The following PDE8A variants were observed in gnomAD, a reference collection of about 807,000 sequenced individuals.
PDE8A encodes phosphodiesterase 8A, also known as high affinity cAMP-specific and IBMX-insensitive 3',5'-cyclic phosphodiesterase 8A.
Under a neutral mutation model 105.0 loss-of-function variants are expected in PDE8A, and 59 were observed. That is an observed-to-expected ratio of 0.56 (90% CI 0.46 to 0.70). The LOEUF (loss-of-function observed/expected upper bound fraction) is 0.70, where lower values mean the gene tolerates loss of function less well. Ranked by LOEUF, PDE8A falls within the 30% of genes least tolerant of loss-of-function variation. The pLI, the probability that PDE8A is intolerant of heterozygous loss-of-function variation, is 0.00. For missense variants in PDE8A, 1,014 were observed against 1,045.9 expected (o/e 0.97, Z 0.42); for synonymous variants, 355 against 371.9 (o/e 0.95, Z 0.52).
intron 1 of PDE8A, among the ~76,000 whole-genome samples, chr15:85,013,943 C>T (rs925689751): frequency 1.4e-4 from 21 of 152,128 alleles, no homozygotes; most frequent in Non-Finnish European, 2.6e-4. Context: ...CTCAGGTACC[C>T]GCTGGCTTCC....
At chr15:85,014,913 C>A (rs957696420) in intron 1 of PDE8A, among the ~76,000 whole-genome samples, 1 of 152,146 alleles carries the variant, frequency 6.6e-6, no homozygotes, top group African/African-American at 2.4e-5. Flanking sequence ...ACAGTCCCTC[C>A]CCATTGCCTC....
At chr15:85,106,448 A>G (rs1296790683) in intron 11 of PDE8A, among the ~76,000 whole-genome samples, 2 of 151,902 alleles carry the variant, frequency 1.3e-5, no homozygotes, top group Non-Finnish European at 1.5e-5. Flanking sequence ...AGGGCATCAC[A>G]CATGGTGGGT....
At chr15:85,094,870 C>CT (rs1218060619) in intron 8 of PDE8A, among the ~76,000 whole-genome samples, 1 of 152,054 alleles carries the variant, frequency 6.6e-6, no homozygotes, top group Non-Finnish European at 1.5e-5. Flanking sequence ...CCTGATTAGT[C>CT]TTACTGAGTC....
intron 1 of PDE8A, among the ~76,000 whole-genome samples, chr15:85,046,530 T>C (rs1260880281): frequency 6.6e-6 from 1 of 152,218 alleles, no homozygotes; most frequent in Non-Finnish European, 1.5e-5. Flanking sequence ...TTGAATACCA[T>C]GTACTAGACA....
At chr15:85,056,102 A>C (rs1233467905) in intron 1 of PDE8A, among the ~76,000 whole-genome samples, 1 of 152,034 alleles carries the variant, frequency 6.6e-6, no homozygotes, top group Non-Finnish European at 1.5e-5. Flanking sequence ...TTCTGGGTTG[A>C]AAATTCTTTT....
intron 1 of PDE8A, among the ~76,000 whole-genome samples, chr15:85,003,436 C>A (rs551224573): frequency 3.7e-4 from 57 of 152,244 alleles, no homozygotes; most frequent in African/African-American, 1.3e-3. Flanking sequence ...AGCCAGTGGA[C>A]GACCTCTGCG....
intron 17 of PDE8A, among the ~76,000 whole-genome samples, chr15:85,119,312 T>C (rs1271657545): frequency 6.6e-6 from 1 of 151,536 alleles, no homozygotes. Flanking sequence ...CTACTAAAAA[T>C]AGAAAAATTA....
At chr15:85,045,047 T>C (rs147865486) in intron 1 of PDE8A, among the ~76,000 whole-genome samples, 2 of 152,296 alleles carry the variant, frequency 1.3e-5, no homozygotes, top group East Asian at 3.9e-4. Context: ...TTATTTCCAC[T>C]GTAGGTCCTG....
intron 5 of PDE8A, among the ~76,000 whole-genome samples, chr15:85,080,588 G>T (rs556270963): frequency 2.0e-5 from 3 of 152,172 alleles, no homozygotes; most frequent in Non-Finnish European, 4.4e-5. Context: ...GTACATAGAT[G>T]CACTGTTGGA....
chr15:85,076,635 CA>C, intron 4 of PDE8A, 97 bp from the exon 5 acceptor site: 1 of 764,136 alleles, frequency 1.3e-6, no homozygotes, highest in South Asian at 1.5e-5. Flanking sequence ...TAAAAGTACT[CA>C]TTACATAACG....
intron 1 of PDE8A, among the ~76,000 whole-genome samples, chr15:85,013,577 G>A (rs1485013477): frequency 2.0e-5 from 3 of 152,184 alleles, no homozygotes; most frequent in Non-Finnish European, 4.4e-5. Flanking sequence ...TTAGTATTTT[G>A]AAATATTTTA....
intron 1 of PDE8A, among the ~76,000 whole-genome samples, chr15:84,984,479 C>T (rs910178945): frequency 6.6e-6 from 1 of 152,152 alleles, no homozygotes; most frequent in Non-Finnish European, 1.5e-5. Context: ...TCTCAAGATG[C>T]AATTTAATTC....
At chr15:85,035,197 CTTTTTTTTTTTTTTTT>C (rs35548176) in intron 1 of PDE8A, among the ~76,000 whole-genome samples, 1 of 57,766 alleles carries the variant, frequency 1.7e-5, no homozygotes, top group Non-Finnish European at 3.0e-5. Context: ...TGGGTATTTC[CTTTTTTTTTTTTTTTT>C]TTTTTTTTTT....
At chr15:85,014,034 C>T (rs1272671512) in intron 1 of PDE8A, among the ~76,000 whole-genome samples, 1 of 152,196 alleles carries the variant, frequency 6.6e-6, no homozygotes, top group African/African-American at 2.4e-5. Context: ...TTGTCAGTTC[C>T]ACTGTATTTT....
At chr15:85,014,707 C>G (rs768142371) in intron 1 of PDE8A, among the ~76,000 whole-genome samples, 2 of 152,138 alleles carry the variant, frequency 1.3e-5, no homozygotes, top group African/African-American at 4.8e-5. Context: ...TTGCTTTTCT[C>G]GCTTCACAGC....
At chr15:85,092,297 A>T (rs72630468) in intron 8 of PDE8A, among the ~76,000 whole-genome samples, 15,034 of 151,842 alleles carry the variant, frequency 0.099, 1,084 homozygotes, top group East Asian at 0.25. Context: ...TTTTGCCTTC[A>T]ACTTTTCTGT....
intron 8 of PDE8A, among the ~76,000 whole-genome samples, chr15:85,091,976 A>C (rs2081651813): frequency 6.8e-6 from 1 of 147,168 alleles, no homozygotes; most frequent in Non-Finnish European, 1.5e-5. Flanking sequence ...CATTTGAAAA[A>C]TTGGTGACTT....
chr15:85,122,174 C>A (rs529129275), intron 18 of PDE8A, among the ~76,000 whole-genome samples: 3 of 152,122 alleles, frequency 2.0e-5, no homozygotes, highest in Non-Finnish European at 4.4e-5. Context: ...CTTCGTAGCA[C>A]GTATCACATT....
At chr15:84,986,247 A>G (rs1032882913) in intron 1 of PDE8A, among the ~76,000 whole-genome samples, 10 of 152,146 alleles carry the variant, frequency 6.6e-5, no homozygotes, top group African/African-American at 2.4e-4. Flanking sequence ...AATAAATAAA[A>G]GATGTAAGGA....
Sources: gnomAD v4.1 joint callset for allele counts (sites outside exome capture counted in the v4.1 genomes callset) on GRCh38, gnomAD v4.1.1 for gene constraint, MANE v1.5 for transcripts, NCBI Gene and HGNC (gene_info 2026-07-23, HGNC 2026-07-21) for gene names.